The following CAAP1 variants were observed in gnomAD, a reference collection of about 807,000 sequenced individuals.
CAAP1 encodes the protein conserved anti-apoptotic protein.
Under a neutral mutation model 34.0 loss-of-function variants are expected in CAAP1, and 20 were observed. The observed-to-expected ratio is 0.59, with a 90% CI of 0.41 to 0.86. The LOEUF is 0.86. Among genes scored for constraint, CAAP1 ranks in the 40% least tolerant of loss-of-function variants. The probability of loss-of-function intolerance (pLI) is 0.00; values close to 1 mark genes in which losing one functional copy is unlikely to be tolerated. For synonymous variants in CAAP1, 213 were observed against 166.7 expected (o/e 1.28, Z -2.14); for missense variants, 538 against 450.5 (o/e 1.19, Z -1.76).
At chr9:26,878,344 T>C (rs188953742) in intron 4 of CAAP1, among the ~76,000 whole-genome samples, 1 of 152,326 alleles carries the variant, frequency 6.6e-6, no homozygotes, top group East Asian at 1.9e-4. Flanking sequence ...TGTTTATGTA[T>C]ATGGTCATTA....
intron 4 of CAAP1, among the ~76,000 whole-genome samples, chr9:26,862,959 AT>A (rs1190831229): frequency 2.0e-5 from 3 of 152,150 alleles, no homozygotes; most frequent in Non-Finnish European, 2.9e-5. Context: ...AAGTATGCAA[AT>A]GGGATAGAAG....
intron 5 of CAAP1, among the ~76,000 whole-genome samples, chr9:26,848,678 AAC>A (rs1306646953): frequency 6.6e-6 from 1 of 152,194 alleles, no homozygotes. Flanking sequence ...TGATAATAAA[AAC>A]AGTGGTATTA....
chr9:26,846,505 CTTTCT>C (rs1337407842), intron 5 of CAAP1, among the ~76,000 whole-genome samples: 3 of 150,502 alleles, frequency 2.0e-5, no homozygotes, highest in Admixed American at 2.0e-4. Context: ...TATGATTTTC[CTTTCT>C]TTTGTCAATT....
intron 5 of CAAP1, among the ~76,000 whole-genome samples, chr9:26,846,490 T>C (rs971523987): frequency 5.9e-5 from 9 of 151,742 alleles, no homozygotes; most frequent in African/African-American, 2.2e-4. Flanking sequence ...TATGGTGTCT[T>C]TGGCTATGAT....
chr9:26,842,208 A>G lies in CAAP1; in HGVS notation c.*93T>C, dbSNP rs1363610605. ...AGTCCTAATAAGGGTTACATGAGAA[A>G]TAACATATAAGACCCCAAATAAATT... On this transcript the variant is annotated 3_prime_UTR_variant, in exon 6 of 6. Coordinates refer to ENST00000333916, the MANE Select transcript of CAAP1 (RefSeq NM_024828.4). 5 of 1,004,974 alleles carry G rather than the reference A, an allele frequency of 5.0e-6. No homozygotes were observed. The highest frequency in any genetic ancestry group is 7.2e-6 in the Non-Finnish European group (5 of 696,790). 62.3% of individuals were successfully genotyped at this position (1,004,974 alleles called of 1,614,324 possible).
At position 26,872,946 on chromosome 9, in the gene CAAP1, A is replaced by G. The variant is rs370446181; in HGVS notation, c.666-11807T>C. ...TAAGAAGCAGTAGTGGCTAGAAACA[A>G]CAGCTCCAAAACACTCATATAGAAG... On this transcript the variant is annotated intron_variant, in intron 4 of 5. Transcript: ENST00000333916. 2.2e-4 allele frequency among the ~76,000 whole-genome samples: 34 copies of G among 152,284 alleles called. No individual in the cohort carries two copies. The East Asian group carries it at 6.0e-3, about 27-fold the overall frequency.
chr9:26,854,775 G>A (rs1390159565), intron 5 of CAAP1, among the ~76,000 whole-genome samples: 1 of 152,064 alleles, frequency 6.6e-6, no homozygotes. Context: ...ATATAGAAAT[G>A]GCAAATAAGT....
chr9:26,890,367 T>G (rs1823870537), intron 1 of CAAP1, among the ~76,000 whole-genome samples: 1 of 142,634 alleles, frequency 7.0e-6, no homozygotes, highest in Admixed American at 7.1e-5. Context: ...TGAGAGCCTA[T>G]CTCAAAAAAA....
At chr9:26,858,492 T>C (rs1040931522) in intron 5 of CAAP1, among the ~76,000 whole-genome samples, 2 of 152,206 alleles carry the variant, frequency 1.3e-5, no homozygotes, top group African/African-American at 4.8e-5. Context: ...TTAGTAGATA[T>C]TCTTCTAAAA....
intron 5 of CAAP1, among the ~76,000 whole-genome samples, chr9:26,844,173 C>T (rs1056890615): frequency 1.3e-5 from 2 of 152,022 alleles, no homozygotes; most frequent in African/African-American, 4.8e-5. Flanking sequence ...GCCTGACCAA[C>T]ATGGAGAAAT....
chr9:26,889,637 G>A (rs1269067650), intron 1 of CAAP1, among the ~76,000 whole-genome samples: 5 of 151,052 alleles, frequency 3.3e-5, no homozygotes, highest in African/African-American at 1.2e-4. Context: ...GGAGGCTGAG[G>A]GGGGCAGATA....
chr9:26,869,264 T>C lies in CAAP1; in HGVS notation c.666-8125A>G, dbSNP rs578201194. Among the ~76,000 whole-genome samples the C allele has an allele frequency of 4.6e-5, 7 of 152,160 alleles. No individual in the cohort carries two copies. The South Asian group carries it at 1.4e-3, about 32-fold the overall frequency. Reference sequence around the variant, plus strand: ...CCTTTTATTTAACTCAGATAGAAAATGTCACTTCCGTAAAAAAGAAACTTA... The same window carrying C: ...CCTTTTATTTAACTCAGATAGAAAACGTCACTTCCGTAAAAAAGAAACTTA... On this transcript the variant is annotated intron_variant, in intron 4 of 5. Coordinates refer to ENST00000333916, the MANE Select transcript of CAAP1 (RefSeq NM_024828.4).
chr9:26,869,599 G>A (rs12352777), intron 4 of CAAP1, among the ~76,000 whole-genome samples: 6,232 of 152,166 alleles, frequency 0.041, 435 homozygotes, highest in African/African-American at 0.14. Flanking sequence ...TCAGCAACCC[G>A]AGCTTTCCCA....
At chr9:26,865,953 T>A (rs764679796) in intron 4 of CAAP1, among the ~76,000 whole-genome samples, 3 of 152,138 alleles carry the variant, frequency 2.0e-5, no homozygotes, top group African/African-American at 4.8e-5. Flanking sequence ...TTCCAGGGAT[T>A]CTCCTGCCTC....
chr9:26,873,164 G>A (rs1823322979), intron 4 of CAAP1, among the ~76,000 whole-genome samples: 2 of 152,254 alleles, frequency 1.3e-5, no homozygotes, highest in South Asian at 4.1e-4. Context: ...GAGGTGGGAG[G>A]ATCACTTATC....
intron 1 of CAAP1, among the ~76,000 whole-genome samples, chr9:26,889,137 G>A (rs1587131803): frequency 6.6e-6 from 1 of 152,136 alleles, no homozygotes; most frequent in South Asian, 2.1e-4. Flanking sequence ...AACTGACTAG[G>A]CCGGCGCGGT....
intron 4 of CAAP1, among the ~76,000 whole-genome samples, chr9:26,870,772 A>C (rs1823256506): frequency 6.6e-6 from 1 of 151,576 alleles, no homozygotes; most frequent in African/African-American, 2.4e-5. Context: ...ATGCGCCATC[A>C]CACCCAGCTA....
chr9:26,859,540 T>C (rs1286569528), intron 5 of CAAP1, among the ~76,000 whole-genome samples: 1 of 152,210 alleles, frequency 6.6e-6, no homozygotes, highest in African/African-American at 2.4e-5. Context: ...TGCCTGTTCA[T>C]TTGATACAAA....
intron 5 of CAAP1, among the ~76,000 whole-genome samples, chr9:26,845,999 G>A (rs988980207): frequency 9.2e-5 from 14 of 151,948 alleles, no homozygotes; most frequent in Middle Eastern, 3.2e-3. Context: ...TTGGATATAT[G>A]GCCGTGAAAA....
Sources: gnomAD v4.1 joint callset for allele counts (sites outside exome capture counted in the v4.1 genomes callset) on GRCh38, gnomAD v4.1.1 for gene constraint, MANE v1.5 for transcripts, NCBI Gene and HGNC (gene_info 2026-07-23, HGNC 2026-07-21) for gene names.